Variants in TEKT3 observed in about 807,000 individuals in gnomAD.
TEKT3 encodes tektin 3.
TEKT3 carries 49 observed loss-of-function variants against 49.8 expected under a neutral mutation model. The ratio of observed to expected loss-of-function variants is 0.98; its 90% CI spans 0.78 to 1.25. The LOEUF is 1.25. Ranked by LOEUF, TEKT3 falls within the 50% of genes most tolerant of loss-of-function variation. TEKT3 has a pLI of 0.00. For missense variants in TEKT3, 595 were observed against 629.5 expected, an observed-to-expected ratio of 0.95 and a Z score of 0.59; for synonymous variants, 225 against 237.2, an observed-to-expected ratio of 0.95 and a Z score of 0.47.
At chr17:15,327,899 G>A (rs1911556527) in intron 4 of TEKT3, 93 bp downstream of exon 4, 1 of 1,086,394 alleles carries the variant, frequency 9.2e-7, no homozygotes. Flanking sequence ...TTACTTATAA[G>A]TCATTTTATG....
intron 2 of TEKT3, among the ~76,000 whole-genome samples, chr17:15,333,896 G>A (rs541846420): frequency 6.6e-6 from 1 of 151,712 alleles, no homozygotes; most frequent in Non-Finnish European, 1.5e-5. Context: ...CCGAGTAGCT[G>A]GGACTACAGG....
chr17:15,308,933 G>A, intron 7 of TEKT3, 115 bp from the exon 8 acceptor site: 1 of 1,297,526 alleles, frequency 7.7e-7, no homozygotes, highest in Non-Finnish European at 1.1e-6. Context: ...TCGCTGATGA[G>A]GAAGTTGCTT....
upstream of TEKT3, among the ~76,000 whole-genome samples, chr17:15,343,354 T>C (rs182704156): frequency 3.3e-5 from 5 of 152,356 alleles, no homozygotes; most frequent in East Asian, 9.6e-4. Context: ...TTGGAAATAA[T>C]TTAGATACCC....
At chr17:15,316,758 G>C (rs1047967574) in intron 5 of TEKT3, among the ~76,000 whole-genome samples, 1 of 152,186 alleles carries the variant, frequency 6.6e-6, no homozygotes, top group Admixed American at 6.5e-5. Context: ...TTTCCAGGCT[G>C]TCCGGAAGAT....
At chr17:15,306,070 C>T (rs949118737) in intron 8 of TEKT3, among the ~76,000 whole-genome samples, 2 of 136,506 alleles carry the variant, frequency 1.5e-5, no homozygotes, top group African/African-American at 5.4e-5. Flanking sequence ...AATAAAGCTA[C>T]CACAGTTTAT....
At chr17:15,314,705 G>C (rs192574810) in intron 5 of TEKT3, among the ~76,000 whole-genome samples, 6 of 152,142 alleles carry the variant, frequency 3.9e-5, no homozygotes, top group African/African-American at 7.2e-5. Context: ...CTTTATAGCC[G>C]AGCCTCCTGC....
At chr17:15,323,008 A>C (rs1284315467) in intron 4 of TEKT3, among the ~76,000 whole-genome samples, 1 of 152,146 alleles carries the variant, frequency 6.6e-6, no homozygotes, top group African/African-American at 2.4e-5. Flanking sequence ...GCTTGTGAGA[A>C]GCTTCTGGTC....
intron 7 of TEKT3, 124 bp from the exon 8 acceptor site, chr17:15,308,942 T>C (rs1567573243): frequency 8.3e-7 from 1 of 1,208,470 alleles, no homozygotes; most frequent in Non-Finnish European, 1.2e-6. Context: ...AGGAAGTTGC[T>C]TCACCAAGAC....
Position 15,304,146 on chromosome 17 carries a change from A to G in TEKT3, c.1263T>C (p.Val421=). The G allele has an allele frequency of 6.2e-7, 1 of 1,614,168 alleles. No individual in the cohort carries two copies. The highest frequency in any genetic ancestry group is 8.5e-7 in the Non-Finnish European group (1 of 1,180,028). The change falls in exon 9 of 9, where the codon GTT becomes GTC. Residue 421 remains valine, a synonymous_variant. Coordinates refer to ENST00000395930, the MANE Select transcript of TEKT3 (RefSeq NM_031898.3). This position sits in a 1 kb window ranked among gnomAD's most constrained non-coding sequence, Gnocchi z 4.7. ...LCRDMAQLRL[V]NEVHEVDDTI... Reference sequence around the variant, plus strand: ...TGTCGTCAACCTCGTGTACCTCGTTAACAAGGCTGCAGCATAAAGGAATCA... The same window carrying G: ...TGTCGTCAACCTCGTGTACCTCGTTGACAAGGCTGCAGCATAAAGGAATCA...
chr17:15,306,234 T>C (rs886708034), intron 8 of TEKT3, among the ~76,000 whole-genome samples: 3 of 152,010 alleles, frequency 2.0e-5, no homozygotes, highest in Admixed American at 1.3e-4. Flanking sequence ...AAATAACTCG[T>C]TTAGAACATT....
chr17:15,304,693 G>A lies in TEKT3; in HGVS notation c.1257-541C>T, dbSNP rs778032949. On this transcript the variant is annotated intron_variant, in intron 8 of 8. Transcript: ENST00000395930. The surrounding 1 kb of genome is among the most constrained non-coding windows in gnomAD (Gnocchi z 4.7). ...CCTCTCAGCTCCTTGAGACAGAAGA[G>A]TAGAAGCAGAGACCCAGGAAGACCT... is the stretch of plus-strand genomic sequence containing the variant. Among the ~76,000 whole-genome samples the A allele has an allele frequency of 2.6e-5, 4 of 152,188 alleles. No individual in the cohort carries two copies. The highest frequency in any genetic ancestry group is 5.9e-5 in the Non-Finnish European group (4 of 68,036).
chr17:15,335,308 A>T (rs971621450), intron 2 of TEKT3, among the ~76,000 whole-genome samples: 5 of 152,232 alleles, frequency 3.3e-5, no homozygotes, highest in African/African-American at 1.2e-4. Flanking sequence ...AATAGGCTGC[A>T]TATGCATCAA....
rs144150048 is a variant in TEKT3, at chr17:15,331,528, T to G, written c.58A>C (p.Thr20Pro). 4 of 1,614,006 alleles carry G rather than the reference T, an allele frequency of 2.5e-6. No homozygotes were observed. The East Asian group carries it at 8.9e-5, about 36-fold the overall frequency. The part of the protein sequence containing the change: ...TTYAHPRPTP[T>P]NFLPAISTMA... ...GTACTGATGGCTGGTAGAAAGTTGG[T>G]TGGTGTTGGTCTAGGGTGGGCGTAA... The change falls in exon 3 of 9, where the codon ACC becomes CCC. Residue 20 changes from threonine (T) to proline (P), a missense_variant. Physicochemically the swap from Thr to Pro is conservative, Grantham distance 38. Transcript: ENST00000395930.
At chr17:15,320,676 C>G (rs1401804731) in intron 4 of TEKT3, among the ~76,000 whole-genome samples, 1 of 152,162 alleles carries the variant, frequency 6.6e-6, no homozygotes, top group African/African-American at 2.4e-5. Context: ...AAAGGAAGAG[C>G]TAAATTCCCT....
rs149522584 is a variant in TEKT3, at chr17:15,321,291, G to A, written c.664-2144C>T. Among the ~76,000 whole-genome samples the A allele has an allele frequency of 1.9e-3, 293 of 152,122 alleles. 1 individual carries two copies. The highest frequency in any genetic ancestry group is 6.6e-3 in the African/African-American group (273 of 41,506). ...CCCAAAGTGCTGAGATTACAGGCGT[G>A]AGCCACCATGCCCGGCCAACAATAA... On this transcript the variant is annotated intron_variant, in intron 4 of 8. Transcript: ENST00000395930.
intron 5 of TEKT3, among the ~76,000 whole-genome samples, chr17:15,318,291 C>T (rs563664665): frequency 9.9e-5 from 15 of 152,114 alleles, no homozygotes; most frequent in Admixed American, 6.5e-4. Context: ...GCCCGGCCGC[C>T]GCAGAGGCCA....
chr17:15,307,675 G>T (rs1910606870), intron 8 of TEKT3, among the ~76,000 whole-genome samples: 1 of 152,080 alleles, frequency 6.6e-6, no homozygotes, highest in Non-Finnish European at 1.5e-5. Flanking sequence ...AATCCTTCAA[G>T]ATAAGAGAAT....
At chr17:15,337,820 G>A (rs528884673) in intron 2 of TEKT3, among the ~76,000 whole-genome samples, 4 of 152,076 alleles carry the variant, frequency 2.6e-5, no homozygotes, top group Non-Finnish European at 4.4e-5. Context: ...CAGCCTGGGC[G>A]ACAGAGTGAG....
At chr17:15,342,329 C>T (rs2150759143), upstream of TEKT3, among the ~76,000 whole-genome samples, 1 of 152,306 alleles carries the variant, frequency 6.6e-6, no homozygotes, top group Non-Finnish European at 1.5e-5. Context: ...TCAAATCAGT[C>T]AAACTTCAAG....
Sources: allele counts gnomAD v4.1 joint callset (sites outside exome capture counted in the v4.1 genomes callset), GRCh38; gene constraint gnomAD v4.1.1; non-coding constraint Gnocchi (gnomAD v3.1); transcripts MANE v1.5; gene names NCBI Gene and HGNC (gene_info 2026-07-23, HGNC 2026-07-21).